Variants in PPFIBP2 observed in about 807,000 individuals in gnomAD.
PPFIBP2 encodes PPFIB scaffold protein 2.
PPFIBP2 carries 118 observed loss-of-function variants against 118.3 expected under a neutral mutation model. That is an observed-to-expected ratio of 1.00 (90% CI 0.86 to 1.16). PPFIBP2 has a LOEUF of 1.16. Among genes scored for constraint, PPFIBP2 ranks in the 50% most tolerant of loss-of-function variants. The pLI, the probability that PPFIBP2 is intolerant of heterozygous loss-of-function variation, is 0.00. For synonymous variants in PPFIBP2, 414 were observed against 397.4 expected, an observed-to-expected ratio of 1.04 and a Z score of -0.50; for missense variants, 1,195 against 1,073.1, an observed-to-expected ratio of 1.11 and a Z score of -1.59.
At chr11:7,625,989 T>C (rs1361806060) in intron 8 of PPFIBP2, 98 bp downstream of exon 8, 2 of 1,009,082 alleles carry the variant, frequency 2.0e-6, no homozygotes, top group East Asian at 5.2e-5. Flanking sequence ...GCATATGTGC[T>C]TGTGTGTGTA....
At chr11:7,618,857 C>T (rs1337093057) in intron 6 of PPFIBP2, among the ~76,000 whole-genome samples, 4 of 150,634 alleles carry the variant, frequency 2.7e-5, no homozygotes, top group African/African-American at 9.8e-5. Flanking sequence ...GCTGGGATTA[C>T]AGGCGTGAGC....
At position 7,651,813 on chromosome 11, in the gene PPFIBP2, A is replaced by C; in HGVS notation, c.2405A>C (p.Tyr802Ser). 6.2e-7 allele frequency: 1 copy of C among 1,613,610 alleles called. No individual in the cohort carries two copies. The highest frequency in any genetic ancestry group is 8.5e-7 in the Non-Finnish European group (1 of 1,179,602). The change falls in exon 23 of 24, where the codon TAC (tyrosine) becomes TCC (serine). Residue 802 changes from tyrosine (Y) to serine (S), a missense_variant. Physicochemically the swap from Tyr to Ser is moderately radical, Grantham distance 144. Coordinates refer to ENST00000299492, the MANE Select transcript of PPFIBP2 (RefSeq NM_003621.5). ...CGAGAGAAAATGGCCTCACCAGCTT[A>C]CACACCACTGACCACCACAGCCAAA... ...EKREKMASPA[Y>S]TPLTTTAKVR...
chr11:7,601,428 G>A (rs748685322), intron 5 of PPFIBP2, among the ~76,000 whole-genome samples: 4 of 152,160 alleles, frequency 2.6e-5, no homozygotes, highest in Admixed American at 6.5e-5. Flanking sequence ...TGCAGCCCAC[G>A]GCAGGATGTG....
chr11:7,644,891 G>A (rs1423308629), intron 17 of PPFIBP2, among the ~76,000 whole-genome samples: 5 of 151,246 alleles, frequency 3.3e-5, no homozygotes, highest in Admixed American at 6.6e-5. Context: ...GCCGGGCGTG[G>A]TGGCGGGCGC....
intron 2 of PPFIBP2, among the ~76,000 whole-genome samples, chr11:7,563,380 G>C (rs1411523120): frequency 1.3e-5 from 2 of 152,210 alleles, no homozygotes; most frequent in Non-Finnish European, 2.9e-5. Context: ...GAGCCAGAAA[G>C]TGCTGAGCAC....
At chr11:7,634,196 A>G (rs1011215340) in intron 12 of PPFIBP2, among the ~76,000 whole-genome samples, 7 of 152,144 alleles carry the variant, frequency 4.6e-5, no homozygotes, top group Non-Finnish European at 8.8e-5. Flanking sequence ...TGACCGCACA[A>G]TTGTCACCTC....
In PPFIBP2 at chr11:7,549,458, A is replaced by G; in HGVS notation, c.-18A>G. On this transcript the variant is annotated 5_prime_UTR_variant, in exon 2 of 24. Coordinates refer to ENST00000299492, the MANE Select transcript of PPFIBP2 (RefSeq NM_003621.5). The stretch of plus-strand genomic sequence containing the variant: ...TTTTCAGTAAGAAGAGGAGGAGGCC[A>G]GGCAGGCAAAAGGAGTCATGGCTTC... 6.4e-7 allele frequency: 1 copy of G among 1,555,886 alleles called. No individual in the cohort carries two copies. The highest frequency in any genetic ancestry group is 8.7e-7 in the Non-Finnish European group (1 of 1,149,258).
At chr11:7,542,710 G>A (rs1025481308) in intron 1 of PPFIBP2, among the ~76,000 whole-genome samples, 2 of 152,224 alleles carry the variant, frequency 1.3e-5, no homozygotes, top group African/African-American at 4.8e-5. Flanking sequence ...TATGACTGAG[G>A]AAGTCTCTCC....
intron 3 of PPFIBP2, among the ~76,000 whole-genome samples, chr11:7,586,458 A>G (rs1858201089): frequency 6.6e-6 from 1 of 152,226 alleles, no homozygotes; most frequent in Non-Finnish European, 1.5e-5. Flanking sequence ...GATTATTCAA[A>G]AACTGTTTAT....
intron 3 of PPFIBP2, among the ~76,000 whole-genome samples, chr11:7,566,412 T>C (rs1313787875): frequency 6.6e-6 from 1 of 152,168 alleles, no homozygotes; most frequent in African/African-American, 2.4e-5. Flanking sequence ...TGGAGTGCAG[T>C]GTGGCTTGAT....
chr11:7,597,857 A>G, intron 5 of PPFIBP2, 184 bp downstream of exon 5: 1 of 574,770 alleles, frequency 1.7e-6, no homozygotes, highest in East Asian at 3.0e-5. Context: ...AGAGTGGCAG[A>G]GGGGGTAGGG....
chr11:7,648,695 G>T (rs1472537681), intron 18 of PPFIBP2, 105 bp from the exon 19 acceptor site: 21 of 1,419,242 alleles, frequency 1.5e-5, no homozygotes, highest in Non-Finnish European at 2.0e-5. Context: ...GCACGGTGTG[G>T]AGATACACTG....
At position 7,650,861 on chromosome 11, in the gene PPFIBP2, G is replaced by A. The variant is rs761532315; in HGVS notation, c.2143G>A (p.Val715Ile). ...ACAGAGTAACCTTTCTCCTTCAGAAGTTGTACAGTGGTCCAACCACAGGGT... is the reference window on the plus strand; with the variant it reads ...ACAGAGTAACCTTTCTCCTTCAGAAATTGTACAGTGGTCCAACCACAGGGT... ...ADESNLSPSE[V>I]VQWSNHRVME... The change falls in exon 22 of 24, where the codon GTT becomes ATT. Residue 715 changes from valine (V) to isoleucine (I), a missense_variant. Val to Ile is a conservative substitution (Grantham distance 29). Transcript: ENST00000299492. The A allele has an allele frequency of 7.6e-5, 123 of 1,613,924 alleles. No homozygotes were observed. The highest frequency in any genetic ancestry group is 9.7e-5 in the Non-Finnish European group (115 of 1,179,924).
rs1853622873 is a variant in PPFIBP2 at position 7,649,335 on chromosome 11, G to T, written c.1998+100G>T. On this transcript the variant is annotated intron_variant, in intron 20 of 23. Coordinates refer to ENST00000299492, the MANE Select transcript of PPFIBP2 (RefSeq NM_003621.5). Reference sequence around the variant, plus strand: ...TAAACTTGATTCCATATATTCTTAAGGCCTTGAAATAGTATCATTTGTCAC... The same window carrying T: ...TAAACTTGATTCCATATATTCTTAATGCCTTGAAATAGTATCATTTGTCAC... The T allele has an allele frequency of 3.1e-6, 4 of 1,291,296 alleles. No individual in the cohort carries two copies. In the East Asian group the frequency reaches 9.4e-5, roughly 30 times the overall value. The allele number at this position is 1,291,296 out of a possible 1,614,324, so 80.0% of individuals were successfully genotyped here.
At position 7,565,767 on chromosome 11, in the gene PPFIBP2, G is replaced by A; in HGVS notation, c.279G>A (p.Leu93=). ...TAAAGGAATGGTTTGAAGAGAGCTT[G>A]GTGAGTAGTCCCGTGGCCTGATTGG... ...AYIKEWFEES[L]SQVNHHSAAS... Residue 93 remains leucine (L), a splice_region_variant and synonymous_variant, in exon 3 of 24, where the codon TTG becomes TTA. Coordinates refer to ENST00000299492, the MANE Select transcript of PPFIBP2 (RefSeq NM_003621.5). 11 of 1,613,978 alleles carry A rather than the reference G, an allele frequency of 6.8e-6. No homozygotes were observed. The highest frequency in any genetic ancestry group is 9.3e-6 in the Non-Finnish European group (11 of 1,179,878).
intron 6 of PPFIBP2, among the ~76,000 whole-genome samples, chr11:7,614,057 G>A (rs1848364348): frequency 6.6e-6 from 1 of 152,214 alleles, no homozygotes; most frequent in Admixed American, 6.5e-5. Context: ...GATGGACTTG[G>A]AACACAGAGT....
chr11:7,613,634 A>G (rs1416877486), intron 6 of PPFIBP2, among the ~76,000 whole-genome samples: 2 of 152,206 alleles, frequency 1.3e-5, no homozygotes, highest in Non-Finnish European at 2.9e-5. Context: ...TGAAGCATGA[A>G]AGAAAGAGAT....
At chr11:7,564,098 G>A (rs998181411) in intron 2 of PPFIBP2, among the ~76,000 whole-genome samples, 5 of 151,974 alleles carry the variant, frequency 3.3e-5, no homozygotes, top group African/African-American at 4.8e-5. Context: ...CCTGGGAGGC[G>A]GAGCTTGCAG....
At chr11:7,612,601 C>T (rs1461067396) in intron 6 of PPFIBP2, among the ~76,000 whole-genome samples, 1 of 152,156 alleles carries the variant, frequency 6.6e-6, no homozygotes, top group Non-Finnish European at 1.5e-5. Flanking sequence ...ATTTTTAAAT[C>T]TGAATTTTTT....
Sources: allele counts gnomAD v4.1 joint callset (sites outside exome capture counted in the v4.1 genomes callset), GRCh38; gene constraint gnomAD v4.1.1; transcripts MANE v1.5; gene names NCBI Gene and HGNC (gene_info 2026-07-23, HGNC 2026-07-21).